The following DOCK4 variants were observed in gnomAD, a reference collection of about 807,000 sequenced individuals.
DOCK4 encodes dedicator of cytokinesis protein 4.
In DOCK4, 97 loss-of-function variants were observed where a neutral mutation model predicts 268.1. The observed-to-expected ratio is 0.36, with a 90% confidence interval of 0.31 to 0.43. DOCK4 has a LOEUF of 0.43. Ranked by LOEUF, DOCK4 falls within the 20% of genes least tolerant of loss-of-function variation. The pLI is 1.00. For missense variants in DOCK4, 2,145 were observed against 2,455.7 expected, an observed-to-expected ratio of 0.87 and a Z score of 2.67; for synonymous variants, 954 against 887.2, an observed-to-expected ratio of 1.08 and a Z score of -1.34.
intron 30 of DOCK4, 141 bp from the exon 31 acceptor site, chr7:111,790,746 C>T: frequency 9.4e-7 from 1 of 1,061,060 alleles, no homozygotes; most frequent in South Asian, 1.9e-5. Context: ...AATATAATAA[C>T]CCATGAGATA....
chr7:112,162,166 T>C (rs924027227), intron 1 of DOCK4, among the ~76,000 whole-genome samples: 2 of 152,210 alleles, frequency 1.3e-5, no homozygotes, highest in Non-Finnish European at 2.9e-5. Context: ...CTCATTTATC[T>C]GGCATCAAGA....
chr7:111,865,244 G>A (rs1390132444), intron 22 of DOCK4, among the ~76,000 whole-genome samples: 1 of 152,180 alleles, frequency 6.6e-6, no homozygotes, highest in African/African-American at 2.4e-5. Flanking sequence ...TACCAGGTGG[G>A]TTAGCCCTTA....
intron 8 of DOCK4, chr7:111,971,083 C>T (rs1409647910): frequency 6.6e-6 from 1 of 152,160 alleles, no homozygotes; most frequent in Non-Finnish European, 1.5e-5. Flanking sequence ...CATGCTGGCT[C>T]CTTCTGTATT....
At chr7:111,791,276 T>C (rs374265823) in intron 30 of DOCK4, among the ~76,000 whole-genome samples, 3 of 134,834 alleles carry the variant, frequency 2.2e-5, no homozygotes, top group African/African-American at 6.3e-5. Context: ...ATTTAAAAAA[T>C]ACACACACAC....
intron 1 of DOCK4, among the ~76,000 whole-genome samples, chr7:112,174,939 CTT>C (rs368676870): frequency 2.2e-4 from 29 of 131,206 alleles, no homozygotes; most frequent in Non-Finnish European, 3.4e-4. Context: ...TCCCCTGGAA[CTT>C]TTTTTTTTTT....
chr7:112,066,989 C>A (rs1352506887), intron 1 of DOCK4, among the ~76,000 whole-genome samples: 4,137 of 150,026 alleles, frequency 0.028, 221 homozygotes, highest in African/African-American at 0.097. Context: ...CACACACACA[C>A]ACACACAAAA....
At chr7:112,064,194 C>T (rs544679459) in intron 1 of DOCK4, among the ~76,000 whole-genome samples, 5 of 152,218 alleles carry the variant, frequency 3.3e-5, no homozygotes, top group East Asian at 3.9e-4. Flanking sequence ...CTAGGGTTGG[C>T]GGCAGCAGCA....
intron 11 of DOCK4, among the ~76,000 whole-genome samples, chr7:111,939,124 G>T (rs1242382961): frequency 6.6e-6 from 1 of 152,110 alleles, no homozygotes; most frequent in Non-Finnish European, 1.5e-5. Flanking sequence ...GGCCAGGAGA[G>T]AGGCACGGAG....
At chr7:112,050,924 A>G (rs1260855526) in intron 1 of DOCK4, among the ~76,000 whole-genome samples, 1 of 152,142 alleles carries the variant, frequency 6.6e-6, no homozygotes, top group Non-Finnish European at 1.5e-5. Context: ...AATTTCTGAT[A>G]ATGGCATTAT....
At chr7:112,189,615 T>C (rs989411930) in intron 1 of DOCK4, among the ~76,000 whole-genome samples, 1 of 152,320 alleles carries the variant, frequency 6.6e-6, no homozygotes, top group East Asian at 1.9e-4. Flanking sequence ...ATGTAGCAAA[T>C]GTTATACTAA....
chr7:111,887,785 G>A (rs1047747024), intron 16 of DOCK4, among the ~76,000 whole-genome samples: 3 of 150,458 alleles, frequency 2.0e-5, no homozygotes, highest in East Asian at 1.9e-4. Context: ...AAAGGCTTGA[G>A]CATGTTTATG....
At chr7:112,172,908 T>C (rs1818202280) in intron 1 of DOCK4, among the ~76,000 whole-genome samples, 1 of 152,214 alleles carries the variant, frequency 6.6e-6, no homozygotes, top group African/African-American at 2.4e-5. Flanking sequence ...TAGGTAAAAA[T>C]GACAGCCTCA....
At chr7:112,039,382 G>GC (rs1804154343) in intron 1 of DOCK4, among the ~76,000 whole-genome samples, 1 of 138,686 alleles carries the variant, frequency 7.2e-6, no homozygotes, top group African/African-American at 2.6e-5. Context: ...ATGGGGGGGG[G>GC]GGCTTAAAGA....
intron 4 of DOCK4, among the ~76,000 whole-genome samples, chr7:111,996,233 C>T (rs994447069): frequency 2.0e-5 from 3 of 152,192 alleles, no homozygotes; most frequent in African/African-American, 2.4e-5. Context: ...AAAGAACATA[C>T]ACGCAATTCA....
At chr7:112,121,680 C>T (rs527492243) in intron 1 of DOCK4, among the ~76,000 whole-genome samples, 5 of 152,306 alleles carry the variant, frequency 3.3e-5, no homozygotes, top group African/African-American at 9.6e-5. Context: ...ATTTCATTTG[C>T]AGACAGCAAA....
Position 111,840,656 on chromosome 7 carries a change from C to T in DOCK4, c.2736+4107G>A, listed in dbSNP as rs139323415. On this transcript the variant is annotated intron_variant, in intron 25 of 52. Coordinates refer to ENST00000428084, the MANE Select transcript of DOCK4 (RefSeq NM_001363540.2). ...TTATCTGGAACTATGATACAGCAGA[C>T]GCCAGTGCTCATGCTGGTGTGGCTG... The T allele has an allele frequency of 1.5e-4, 43 of 286,908 alleles. No individual in the cohort carries two copies. The East Asian group carries it at 3.4e-3, about 23-fold the overall frequency. The allele number at this position is 286,908 out of a possible 1,614,324, so 17.8% of individuals were successfully genotyped here. A position where few individuals can be genotyped will look rare whatever the true frequency, so the allele number is the denominator to read the frequency against.
chr7:111,804,734 G>A (rs1187622503), intron 30 of DOCK4, among the ~76,000 whole-genome samples: 4 of 151,908 alleles, frequency 2.6e-5, no homozygotes, highest in African/African-American at 7.3e-5. Context: ...CAAGTAGCTA[G>A]GATTACAGGC....
intron 35 of DOCK4, among the ~76,000 whole-genome samples, chr7:111,781,844 A>G (rs1007508788): frequency 6.6e-6 from 1 of 152,206 alleles, no homozygotes. Context: ...TGAGCTAAGA[A>G]AAGACAAAAT....
chr7:112,062,345 G>A (rs1380568937), intron 1 of DOCK4, among the ~76,000 whole-genome samples: 2 of 152,130 alleles, frequency 1.3e-5, no homozygotes, highest in Non-Finnish European at 2.9e-5. Flanking sequence ...GTCATGGAGT[G>A]GGAAAAAGTA....
Sources: gnomAD v4.1 joint callset for allele counts (sites outside exome capture counted in the v4.1 genomes callset) on GRCh38, gnomAD v4.1.1 for gene constraint, MANE v1.5 for transcripts, NCBI Gene and HGNC (gene_info 2026-07-23, HGNC 2026-07-21) for gene names.